G3BP2: variants seen among roughly 807,000 people sequenced by gnomAD.
G3BP2 encodes G3BP stress granule assembly factor 2.
Under a neutral mutation model 56.7 loss-of-function variants are expected in G3BP2, and 11 were observed. That is an observed-to-expected ratio of 0.19 (90% confidence interval 0.12 to 0.32). The LOEUF is 0.32. Ranked by LOEUF, G3BP2 falls within the 10% of genes least tolerant of loss-of-function variation. The pLI is 1.00. For synonymous variants in G3BP2, 165 were observed against 191.6 expected (o/e 0.86, Z 1.15); for missense variants, 340 against 610.9 (o/e 0.56, Z 4.67).
At chr4:75,665,593 A>G (rs984492906) in intron 1 of G3BP2, among the ~76,000 whole-genome samples, 5 of 151,720 alleles carry the variant, frequency 3.3e-5, no homozygotes, top group Non-Finnish European at 5.9e-5. Flanking sequence ...TTAGCCAGAC[A>G]TGGTGGTGCA....
chr4:75,686,753 C>G (rs1276983522), intron 3 of G3BP2, among the ~76,000 whole-genome samples: 1 of 152,038 alleles, frequency 6.6e-6, no homozygotes, highest in African/African-American at 2.4e-5. Context: ...ATAATAAACC[C>G]TAGAAAAAAA....
chr4:75,680,578 C>T lies in G3BP2; in HGVS notation c.-24-18529G>A, dbSNP rs147093744. 6.5e-3 allele frequency among the ~76,000 whole-genome samples: 984 copies of T among 152,320 alleles called. 1 individual carries two copies. Among genetic ancestry groups the T allele is most frequent in the South Asian group, 0.016 (79 of 4,824 alleles). ...ATCAGGGGACCCCAACACAGTGCCA[C>T]GCAACTTCATAGACAGCTAGCCAGG... On this transcript the variant is annotated intron_variant, in intron 3 of 3. Coordinates refer to the G3BP2 transcript ENST00000499709.
chr4:75,664,797 C>T (rs577682106), intron 1 of G3BP2, among the ~76,000 whole-genome samples: 5 of 152,102 alleles, frequency 3.3e-5, no homozygotes, highest in East Asian at 1.9e-4. Context: ...TGCAGTGAGC[C>T]GCGATCACAC....
At chr4:75,700,653 T>C (rs1291440422) in intron 3 of G3BP2, among the ~76,000 whole-genome samples, 1 of 149,916 alleles carries the variant, frequency 6.7e-6, no homozygotes, top group Non-Finnish European at 1.5e-5. Flanking sequence ...ACTCCTGACC[T>C]CGTGATCCGC....
intron 3 of G3BP2, among the ~76,000 whole-genome samples, chr4:75,704,026 CTT>C (rs1164490779): frequency 8.7e-6 from 1 of 115,138 alleles, no homozygotes. Flanking sequence ...TTTTTTTTTT[CTT>C]TTTTTTTTTG....
chr4:75,694,160 G>A (rs902129233), intron 3 of G3BP2, among the ~76,000 whole-genome samples: 1 of 152,200 alleles, frequency 6.6e-6, no homozygotes, highest in African/African-American at 2.4e-5. Flanking sequence ...GGAAGAAGAG[G>A]ATGAGGAGAA....
chr4:75,677,486 A>C (rs6828365), upstream of G3BP2, among the ~76,000 whole-genome samples: 1 of 151,878 alleles, frequency 6.6e-6, no homozygotes, highest in Non-Finnish European at 1.5e-5. Flanking sequence ...CAGGAGAATC[A>C]CTTGAACCCA....
chr4:75,679,305 G>A lies in G3BP2; in HGVS notation c.-24-17256C>T, dbSNP rs1018401873. ...ACAGAGAAACCTACTCCCATGAGTA[G>A]GATGAATCCATTCATTTTAGAGCAA... On this transcript the variant is annotated intron_variant, in intron 3 of 3. Coordinates refer to the G3BP2 transcript ENST00000499709. 2.6e-5 allele frequency among the ~76,000 whole-genome samples: 4 copies of A among 152,188 alleles called. No homozygotes were observed. The South Asian group carries it at 6.2e-4, about 24-fold the overall frequency.
chr4:75,649,476 T>TC (rs1057192951), intron 8 of G3BP2, among the ~76,000 whole-genome samples: 1 of 152,176 alleles, frequency 6.6e-6, no homozygotes, highest in Admixed American at 6.5e-5. Flanking sequence ...TTAAGATGCC[T>TC]CCCAAAAGTT....
chr4:75,719,717 G>A (rs1252895770), intron 3 of G3BP2, among the ~76,000 whole-genome samples: 2 of 151,976 alleles, frequency 1.3e-5, no homozygotes, highest in African/African-American at 2.4e-5. Flanking sequence ...AGCCTCCCGA[G>A]TAGCTAGGAT....
At chr4:75,693,727 T>C (rs1041363648) in intron 3 of G3BP2, among the ~76,000 whole-genome samples, 1 of 151,434 alleles carries the variant, frequency 6.6e-6, no homozygotes, top group Non-Finnish European at 1.5e-5. Flanking sequence ...AGGCAGAGTT[T>C]GCAGTGAGCC....
intron 3 of G3BP2, among the ~76,000 whole-genome samples, chr4:75,706,284 T>G (rs552730371): frequency 4.6e-5 from 7 of 152,316 alleles, no homozygotes; most frequent in Middle Eastern, 6.8e-3. Context: ...CTCACTATGT[T>G]GACCAGGCTG....
chr4:75,698,444 C>T (rs377558947), intron 3 of G3BP2, among the ~76,000 whole-genome samples: 3 of 152,214 alleles, frequency 2.0e-5, no homozygotes, highest in East Asian at 3.9e-4. Context: ...TGACTATGCC[C>T]GGAAAACACT....
At chr4:75,665,764 A>G (rs1217585825) in intron 1 of G3BP2, among the ~76,000 whole-genome samples, 2 of 152,204 alleles carry the variant, frequency 1.3e-5, no homozygotes, top group Non-Finnish European at 2.9e-5. Context: ...ATTTAACAAG[A>G]TAACTAAAAC....
At chr4:75,671,505 A>T (rs1340323975) in intron 1 of G3BP2, among the ~76,000 whole-genome samples, 2 of 152,136 alleles carry the variant, frequency 1.3e-5, no homozygotes, top group African/African-American at 4.8e-5. Flanking sequence ...ATGGTCAAAT[A>T]ATGTGTTTTC....
At position 75,661,960 on chromosome 4, in the gene G3BP2, C is replaced by T; in HGVS notation, c.66G>A (p.Leu22=). ...GREFVRQYYT[L]LNKAPEYLHR... ...GTAAATATTCCGGAGCTTTATTCAG[C>T]AAAGTATAATATTGCCTCACAAACT... The change falls in exon 2 of 12, where the codon TTG becomes TTA. Residue 22 remains leucine (L), a synonymous_variant. Transcript: ENST00000359707. 2 of 1,597,590 alleles carry T rather than the reference C, an allele frequency of 1.3e-6. No individual in the cohort carries two copies. The highest frequency in any genetic ancestry group is 1.7e-6 in the Non-Finnish European group (2 of 1,165,112).
At position 75,649,935 on chromosome 4, in the gene G3BP2, C is replaced by T. The variant is rs573478425; in HGVS notation, c.826-1194G>A. Among the ~76,000 whole-genome samples the T allele has an allele frequency of 6.6e-5, 10 of 151,442 alleles. No homozygotes were observed. The South Asian group carries it at 8.4e-4, about 13-fold the overall frequency. ...CTGAGGCAGGAGAATCGCTTGAACC[C>T]GGAAGACGGAGGTTGCAGTGAGCCA... On this transcript the variant is annotated intron_variant, in intron 8 of 11. Coordinates refer to ENST00000359707, the MANE Select transcript of G3BP2 (RefSeq NM_203505.3).
At chr4:75,674,867 C>A (rs1733803946), upstream of G3BP2, among the ~76,000 whole-genome samples, 1 of 150,848 alleles carries the variant, frequency 6.6e-6, no homozygotes, top group Non-Finnish European at 1.5e-5. Flanking sequence ...GGACTACAGG[C>A]GCATGCCACC....
At chr4:75,723,074 G>A (rs1176360240) in intron 1 of G3BP2, among the ~76,000 whole-genome samples, 1 of 152,128 alleles carries the variant, frequency 6.6e-6, no homozygotes, top group East Asian at 1.9e-4. Context: ...TACATTTTAG[G>A]GAAAGCTTTC....
Sources: gnomAD v4.1 joint callset for allele counts (sites outside exome capture counted in the v4.1 genomes callset) on GRCh38, gnomAD v4.1.1 for gene constraint, MANE v1.5 for transcripts, NCBI Gene and HGNC (gene_info 2026-07-23, HGNC 2026-07-21) for gene names.